Variants in SESTD1 observed in about 807,000 individuals in gnomAD.
SESTD1 encodes SEC14 domain and spectrin repeat-containing protein 1.
In SESTD1, 43 loss-of-function variants were observed where a neutral mutation model predicts 101.7. The observed-to-expected ratio is 0.42, with a 90% CI of 0.33 to 0.55. SESTD1 has a LOEUF of 0.55. Among genes scored for constraint, SESTD1 ranks in the 20% least tolerant of loss-of-function variants. The probability of loss-of-function intolerance (pLI) is 0.07; values close to 1 mark genes in which losing one functional copy is unlikely to be tolerated. For synonymous variants in SESTD1, 283 were observed against 286.8 expected (o/e 0.99, Z 0.13); for missense variants, 647 against 815.1 (o/e 0.79, Z 2.51).
intron 16 of SESTD1, 76 bp from the exon 17 acceptor site, chr2:179,112,921 C>T (rs1053721430): frequency 1.5e-5 from 21 of 1,403,226 alleles, no homozygotes; most frequent in African/African-American, 1.5e-4. Context: ...CCCCACCCCA[C>T]AAAAAAAAAG....
intron 1 of SESTD1, among the ~76,000 whole-genome samples, chr2:179,243,871 TAACA>T (rs1009062494): frequency 4.0e-5 from 6 of 151,674 alleles, no homozygotes; most frequent in Non-Finnish European, 8.8e-5. Flanking sequence ...TACACCCATG[TAACA>T]AACTACATAT....
At position 179,149,294 on chromosome 2, in the gene SESTD1, T is replaced by G; in HGVS notation, c.581+3A>C. 6.2e-7 allele frequency: 1 copy of G among 1,605,830 alleles called. No individual in the cohort carries two copies. The highest frequency in any genetic ancestry group is 8.5e-7 in the Non-Finnish European group (1 of 1,175,424). ...ATATAATTGCATGCCACTAGCCACC[T>G]ACCTTTCTTTCTCTTGCTGATTTCC... On this transcript the variant is annotated splice_donor_region_variant and intron_variant, in intron 7 of 17. Transcript: ENST00000428443.
At chr2:179,149,250 T>C in intron 7 of SESTD1, 47 bp downstream of exon 7, 1 of 1,312,432 alleles carries the variant, frequency 7.6e-7, no homozygotes, top group African/African-American at 1.5e-5. Context: ...TTTATCAGAA[T>C]AATTATAGTT....
chr2:179,241,329 A>G (rs1322576067), intron 1 of SESTD1, among the ~76,000 whole-genome samples: 2 of 152,130 alleles, frequency 1.3e-5, no homozygotes, highest in East Asian at 1.9e-4. Flanking sequence ...AACTTCCCCA[A>G]TTTGGCAAAG....
At chr2:179,193,182 G>C (rs2046343023) in intron 1 of SESTD1, among the ~76,000 whole-genome samples, 1 of 152,118 alleles carries the variant, frequency 6.6e-6, no homozygotes, top group African/African-American at 2.4e-5. Context: ...TGTAACATTG[G>C]TCAGATAATG....
chr2:179,116,150 T>C (rs949006051), intron 15 of SESTD1, among the ~76,000 whole-genome samples: 1 of 152,052 alleles, frequency 6.6e-6, no homozygotes, highest in Non-Finnish European at 1.5e-5. Flanking sequence ...GGCCGGTGCC[T>C]GTAATCCCAG....
Position 179,183,182 on chromosome 2 carries a change from T to C in SESTD1, c.62A>G (p.Lys21Arg). ...KKKLAFLSGG[K>R]DRRSGLILTI... is the part of the protein sequence containing the mutation. ...CAAAATGAGGCCACTCCGTCTGTCT[T>C]TTCCTCCTATTAAAAAAGAGATTTA... Residue 21 changes from lysine (K) to arginine (R), a missense_variant, in exon 3 of 18, where the codon AAA becomes AGA. Around this residue, in one of 3 missense-constraint regions of SESTD1, gnomAD observed 168 missense variants for 235.1 expected, o/e 0.71. Coordinates refer to ENST00000428443, the MANE Select transcript of SESTD1 (RefSeq NM_178123.5). 6.3e-7 allele frequency: 1 copy of C among 1,596,854 alleles called. No homozygotes were observed. The highest frequency in any genetic ancestry group is 8.6e-7 in the Non-Finnish European group (1 of 1,168,400).
At chr2:179,143,523 A>G (rs1358956843) in intron 9 of SESTD1, 69 bp downstream of exon 9, 2 of 1,383,300 alleles carry the variant, frequency 1.4e-6, no homozygotes, top group East Asian at 4.7e-5. Context: ...ATAAGACTTA[A>G]TAGTCAGTCA....
intron 12 of SESTD1, among the ~76,000 whole-genome samples, chr2:179,122,406 A>G (rs1176134816): frequency 6.6e-6 from 1 of 152,200 alleles, no homozygotes; most frequent in Non-Finnish European, 1.5e-5. Flanking sequence ...CATTGTGACT[A>G]AAGATACAGT....
At chr2:179,244,666 A>C (rs1028106850) in intron 1 of SESTD1, among the ~76,000 whole-genome samples, 7 of 152,252 alleles carry the variant, frequency 4.6e-5, no homozygotes, top group Non-Finnish European at 8.8e-5. Context: ...AGAATGGCTA[A>C]AAGAAATTTT....
chr2:179,231,930 A>G (rs1273642062), intron 1 of SESTD1, among the ~76,000 whole-genome samples: 1 of 152,020 alleles, frequency 6.6e-6, no homozygotes, highest in Non-Finnish European at 1.5e-5. Flanking sequence ...CTATCATCAC[A>G]TAGCAACTAC....
chr2:179,187,150 C>A (rs78707172), intron 2 of SESTD1, among the ~76,000 whole-genome samples: 1,565 of 152,246 alleles, frequency 0.01, 30 homozygotes, highest in African/African-American at 0.035. Flanking sequence ...ACACCTGCTA[C>A]TACAAAAACA....
chr2:179,205,675 G>A lies in SESTD1; in HGVS notation c.-25-13809C>T, dbSNP rs186346224. On this transcript the variant is annotated intron_variant, in intron 1 of 17. Transcript: ENST00000428443. ...AAACAGCTTTTAAAAATTGTTTTAA[G>A]AATAACTTGAAAGTGATAAAAATGC... Among the ~76,000 whole-genome samples the A allele has an allele frequency of 4.5e-4, 61 of 135,224 alleles. 9 individuals are homozygous for A. The East Asian group carries it at 0.012, about 27-fold the overall frequency. 88.7% of individuals were successfully genotyped at this position (135,224 alleles called of 152,430 possible). A position where few individuals can be genotyped will look rare whatever the true frequency, so the allele number is the denominator to read the frequency against.
chr2:179,146,501 T>C (rs770091956), intron 7 of SESTD1, 44 bp from the exon 8 acceptor site: 38 of 1,511,194 alleles, frequency 2.5e-5, no homozygotes, highest in Admixed American at 1.9e-5. Flanking sequence ...CATATTTCTA[T>C]CAATGTAACT....
At position 179,211,849 on chromosome 2, in the gene SESTD1, A is replaced by G. The variant is rs1319687900; in HGVS notation, c.-25-19983T>C. ...GAGAATGATATAATGGACTCTGGGG[A>G]CTCAGGGGGAAGGGTGGGAGGGGGA... On this transcript the variant is annotated intron_variant, in intron 1 of 17. Coordinates refer to ENST00000428443, the MANE Select transcript of SESTD1 (RefSeq NM_178123.5). Among the ~76,000 whole-genome samples, 4 of 130,552 alleles carry G rather than the reference A, an allele frequency of 3.1e-5. 2 individuals are homozygous for G. Among genetic ancestry groups the G allele is most frequent in the Non-Finnish European group, 6.5e-5 (4 of 61,662 alleles). 85.6% of individuals were successfully genotyped at this position (130,552 alleles called of 152,430 possible).
At chr2:179,248,961 C>T (rs2047273105) in intron 1 of SESTD1, among the ~76,000 whole-genome samples, 1 of 150,976 alleles carries the variant, frequency 6.6e-6, no homozygotes, top group Non-Finnish European at 1.5e-5. Context: ...TGTGGTGGTG[C>T]CCACCTGTGG....
intron 1 of SESTD1, among the ~76,000 whole-genome samples, chr2:179,229,551 A>G (rs1348644626): frequency 6.6e-6 from 1 of 151,958 alleles, no homozygotes; most frequent in African/African-American, 2.4e-5. Context: ...ATATGTTTTT[A>G]GATATATATC....
intron 5 of SESTD1, among the ~76,000 whole-genome samples, chr2:179,167,755 T>G (rs2045860378): frequency 6.6e-6 from 1 of 152,016 alleles, no homozygotes; most frequent in African/African-American, 2.4e-5. Context: ...TTAATTTTAT[T>G]TAATTTTTAC....
chr2:179,165,489 C>A (rs187012963), intron 5 of SESTD1, among the ~76,000 whole-genome samples: 1 of 152,116 alleles, frequency 6.6e-6, no homozygotes, highest in East Asian at 1.9e-4. Context: ...GCTTTAGTTT[C>A]GGCTATTTAC....
Sources: gnomAD v4.1 joint callset for allele counts (sites outside exome capture counted in the v4.1 genomes callset) on GRCh38, gnomAD v4.1.1 for gene constraint, gnomAD v4.1.1 regional missense constraint, MANE v1.5 for transcripts, NCBI Gene and HGNC (gene_info 2026-07-23, HGNC 2026-07-21) for gene names.